Variants in APBA1 observed in about 807,000 individuals in gnomAD.
APBA1 encodes amyloid beta precursor protein binding family A member 1.
A neutral mutation model predicts 86.6 loss-of-function variants in APBA1; 55 were observed. The observed-to-expected ratio is 0.64, with a 90% CI of 0.51 to 0.80. The LOEUF (loss-of-function observed/expected upper bound fraction) is 0.80. Ranked by LOEUF, APBA1 falls within the 30% of genes least tolerant of loss-of-function variation. The probability of loss-of-function intolerance (pLI) is 0.00; values close to 1 mark genes in which losing one functional copy is unlikely to be tolerated. For missense variants in APBA1, 1,090 were observed against 1,183.0 expected, an observed-to-expected ratio of 0.92 and a Z score of 1.15; for synonymous variants, 511 against 493.9, an observed-to-expected ratio of 1.03 and a Z score of -0.46.
At position 69,516,227 on chromosome 9, in the gene APBA1, G is replaced by C; in HGVS notation, c.984C>G (p.Pro328=). 6.1e-6 allele frequency: 9 copies of C among 1,476,270 alleles called. No individual in the cohort carries two copies. Among genetic ancestry groups the C allele is most frequent in the South Asian group, 5.4e-5 (4 of 73,992 alleles). 91.4% of individuals were successfully genotyped at this position (1,476,270 alleles called of 1,614,324 possible). A position where few individuals can be genotyped will look rare whatever the true frequency, so the allele number is the denominator to read the frequency against. ...GCTGCCCCGCCTCGCCGCCGCCCGC[G>C]GGGCCCACCGCCCGCTGCTGCCCCG... The part of the protein sequence containing the change: ...APAGQQRAVG[P]AGGGEAGQRY... The change falls in exon 2 of 13, where the codon CCC becomes CCG. Residue 328 remains proline, a synonymous_variant. Transcript: ENST00000265381. This position sits in a 1 kb window ranked among gnomAD's most constrained non-coding sequence, Gnocchi z 7.3.
At chr9:69,620,328 T>C (rs1054928666) in intron 1 of APBA1, among the ~76,000 whole-genome samples, 1 of 152,078 alleles carries the variant, frequency 6.6e-6, no homozygotes, top group African/African-American at 2.4e-5. Context: ...GCTAGGAAAA[T>C]GGGTTGTGGC....
intron 2 of APBA1, among the ~76,000 whole-genome samples, chr9:69,512,778 C>T (rs1836072795): frequency 6.6e-6 from 1 of 152,166 alleles, no homozygotes; most frequent in South Asian, 2.1e-4. Context: ...AACCAGATCA[C>T]TGAGACCCAC....
chr9:69,533,663 G>T (rs13286400), intron 1 of APBA1, among the ~76,000 whole-genome samples: 2 of 151,998 alleles, frequency 1.3e-5, no homozygotes, highest in East Asian at 1.9e-4. Context: ...GTGGTAAAAA[G>T]GACTCTAAGA....
chr9:69,654,368 G>A (rs1485864214), intron 1 of APBA1, among the ~76,000 whole-genome samples: 1 of 152,086 alleles, frequency 6.6e-6, no homozygotes, highest in African/African-American at 2.4e-5. Flanking sequence ...GGGAGGCTGA[G>A]GTGGGAGGAT....
intron 1 of APBA1, among the ~76,000 whole-genome samples, chr9:69,656,620 TGTTCTA>T (rs1342262254): frequency 6.6e-6 from 1 of 152,134 alleles, no homozygotes; most frequent in East Asian, 1.9e-4. Flanking sequence ...GGCCAGAAAA[TGTTCTA>T]TGTCTTGATT....
chr9:69,462,026 A>T lies in APBA1; in HGVS notation c.1483-3838T>A, dbSNP rs1463609698. 4 of 152,380 alleles carry T rather than the reference A, an allele frequency of 2.6e-5. No individual in the cohort carries two copies. The East Asian group carries it at 7.7e-4, about 29-fold the overall frequency. 9.4% of individuals were successfully genotyped at this position (152,380 alleles called of 1,614,324 possible). A position where few individuals can be genotyped will look rare whatever the true frequency, so the allele number is the denominator to read the frequency against. On this transcript the variant is annotated intron_variant, in intron 5 of 12. Transcript: ENST00000265381. ...AGAAAATCATAAAAGAATGAAAAAA[A>T]TCTGATCTTTGGGACAGGCTAGTTA...
intron 1 of APBA1, among the ~76,000 whole-genome samples, chr9:69,572,648 C>T (rs531693696): frequency 6.6e-6 from 1 of 152,166 alleles, no homozygotes; most frequent in Non-Finnish European, 1.5e-5. Context: ...CTTTGGGAGT[C>T]CTGGAGCCCC....
chr9:69,516,595 C>A lies in APBA1; in HGVS notation c.616G>T (p.Glu206Ter). The change falls in exon 2 of 13, where the codon GAG (glutamate) becomes TAG (stop). Residue 206 changes from glutamate (E) to a stop codon, truncating the protein, a stop_gained. Coordinates refer to ENST00000265381, the MANE Select transcript of APBA1 (RefSeq NM_001163.4). LOFTEE classifies it high-confidence loss of function. This position sits in a 1 kb window ranked among gnomAD's most constrained non-coding sequence, Gnocchi z 7.3. Reference sequence around the variant, plus strand: ...CGCAGGCCGTCGCGTGCGTCCAGCTCGGGCGCGTCCCCTATCTCCTCGTAC... The same window carrying A: ...CGCAGGCCGTCGCGTGCGTCCAGCTAGGGCGCGTCCCCTATCTCCTCGTAC... ...HVYEEIGDAP[E>*]LDARDGLRLY... 6.2e-7 allele frequency: 1 copy of A among 1,603,896 alleles called. No individual in the cohort carries two copies.
chr9:69,646,398 C>T (rs969157345), intron 1 of APBA1, among the ~76,000 whole-genome samples: 27 of 152,114 alleles, frequency 1.8e-4, no homozygotes, highest in Admixed American at 4.6e-4. Context: ...TTGTGCTGAT[C>T]GTTACTTTTC....
chr9:69,530,144 C>G (rs2133905069), intron 1 of APBA1, among the ~76,000 whole-genome samples: 1 of 152,046 alleles, frequency 6.6e-6, no homozygotes, highest in African/African-American at 2.4e-5. Context: ...ACCCAGCAAT[C>G]CCATTATTGG....
intron 1 of APBA1, among the ~76,000 whole-genome samples, chr9:69,535,736 TC>T (rs1200923460): frequency 6.6e-6 from 1 of 152,112 alleles, no homozygotes; most frequent in Non-Finnish European, 1.5e-5. Context: ...ATCTTATTTT[TC>T]CCCAGGCCCC....
intron 2 of APBA1, chr9:69,494,281 C>G (rs1835760823): frequency 6.6e-6 from 1 of 151,990 alleles, no homozygotes; most frequent in Non-Finnish European, 1.5e-5. Context: ...CTCTCTTTTC[C>G]CACAGGCAAA....
At chr9:69,497,779 C>T (rs1381914474) in intron 2 of APBA1, among the ~76,000 whole-genome samples, 1 of 152,150 alleles carries the variant, frequency 6.6e-6, no homozygotes, top group East Asian at 1.9e-4. Context: ...CTCTCACACA[C>T]CTTCCCTTTT....
At chr9:69,450,062 T>G (rs978263576) in intron 9 of APBA1, among the ~76,000 whole-genome samples, 16 of 145,004 alleles carry the variant, frequency 1.1e-4, no homozygotes, top group African/African-American at 3.3e-4. Context: ...ACCAGTTTTT[T>G]TTTTTTTTTT....
chr9:69,499,799 A>G (rs1249185725), intron 2 of APBA1, among the ~76,000 whole-genome samples: 2 of 151,974 alleles, frequency 1.3e-5, no homozygotes, highest in African/African-American at 4.8e-5. Context: ...TTGAAATTAA[A>G]AAAAAAAAGT....
intron 1 of APBA1, among the ~76,000 whole-genome samples, chr9:69,604,616 A>G (rs1822430061): frequency 7.2e-6 from 1 of 138,342 alleles, no homozygotes; most frequent in African/African-American, 2.7e-5. Flanking sequence ...ACATGAGGGT[A>G]AGTGGAGAGG....
chr9:69,441,141 G>A (rs147262747), intron 10 of APBA1, 26 bp from the exon 11 acceptor site: 1 of 1,605,432 alleles, frequency 6.2e-7, no homozygotes, highest in Non-Finnish European at 8.5e-7. Flanking sequence ...AGTACAGTGG[G>A]TATGGTGACC....
At chr9:69,621,405 C>G (rs1425081511) in intron 1 of APBA1, among the ~76,000 whole-genome samples, 1 of 152,176 alleles carries the variant, frequency 6.6e-6, no homozygotes, top group Non-Finnish European at 1.5e-5. Flanking sequence ...TGATGTCCAA[C>G]CACCTTTCCA....
Position 69,449,635 on chromosome 9 carries a change from A to G in APBA1, c.2130T>C (p.Asn710=). The change falls in exon 10 of 13, where the codon AAT becomes AAC. Residue 710 remains asparagine (N), a synonymous_variant. Transcript: ENST00000265381. ...GAGGCAGGCCCACCAGGCTGGTGCC[A>G]TTAATGGACATGATCTGGTCACCGA... ...LNIGDQIMSI[N]GTSLVGLPLS... 6.2e-7 allele frequency: 1 copy of G among 1,614,054 alleles called. No homozygotes were observed. Among genetic ancestry groups the G allele is most frequent in the Non-Finnish European group, 8.5e-7 (1 of 1,180,024 alleles).
Sources: gnomAD v4.1 joint callset for allele counts (sites outside exome capture counted in the v4.1 genomes callset) on GRCh38, gnomAD v4.1.1 for gene constraint, Gnocchi (gnomAD v3.1) non-coding constraint, MANE v1.5 for transcripts, NCBI Gene and HGNC (gene_info 2026-07-23, HGNC 2026-07-21) for gene names.